AK5: variants seen among roughly 807,000 people sequenced by gnomAD.
The protein encoded by AK5 is adenylate kinase 5, also known as adenylate kinase isoenzyme 5.
Under a neutral mutation model 69.5 loss-of-function variants are expected in AK5, and 27 were observed. The observed-to-expected ratio is 0.39, with a 90% CI of 0.29 to 0.54. The LOEUF (loss-of-function observed/expected upper bound fraction) is 0.54, where lower values mean the gene tolerates loss of function less well. AK5 is among the 20% of genes least tolerant of loss of function. AK5 has a pLI of 0.71. For synonymous variants in AK5, 260 were observed against 244.4 expected (o/e 1.06, Z -0.60); for missense variants, 531 against 700.4 (o/e 0.76, Z 2.73).
At position 77,284,192 on chromosome 1, in the gene AK5, A is replaced by G. The variant is rs377278633; in HGVS notation, c.60+1819A>G. On this transcript the variant is annotated intron_variant, in intron 1 of 13. Transcript: ENST00000354567. The stretch of plus-strand genomic sequence containing the variant: ...TGGAAGTAGACTGCTGGTGACCTCA[A>G]AGGCTACATCCTTCAGTAAGACGAA... Among the ~76,000 whole-genome samples, 12 of 152,350 alleles carry G rather than the reference A, an allele frequency of 7.9e-5. No individual in the cohort carries two copies. In the South Asian group the frequency reaches 1.2e-3, roughly 16 times the overall value.
chr1:77,532,137 G>A (rs978900729), intron 12 of AK5: 24 of 155,610 alleles, frequency 1.5e-4, no homozygotes, highest in South Asian at 4.1e-4. Flanking sequence ...TAAGGAAGCC[G>A]GCTCCGGCCT....
At chr1:77,363,417 C>T (rs1215284477) in intron 6 of AK5, among the ~76,000 whole-genome samples, 1 of 152,190 alleles carries the variant, frequency 6.6e-6, no homozygotes, top group Non-Finnish European at 1.5e-5. Context: ...TGCTTTTGAC[C>T]TTGCCCTCTT....
chr1:77,494,992 C>A (rs1293073945), intron 10 of AK5, among the ~76,000 whole-genome samples: 1 of 151,988 alleles, frequency 6.6e-6, no homozygotes, highest in Non-Finnish European at 1.5e-5. Flanking sequence ...CCATGTTAGC[C>A]AGGATGGTCT....
chr1:77,511,440 T>A (rs1367823499), intron 10 of AK5, among the ~76,000 whole-genome samples: 1 of 152,184 alleles, frequency 6.6e-6, no homozygotes, highest in Non-Finnish European at 1.5e-5. Context: ...GATAGAAACA[T>A]CAATGTTTTG....
rs200727498 is a variant in AK5 at position 77,558,683 on chromosome 1, ATGTT to A, written c.*18_*21del. The A allele has an allele frequency of 0.017, 25,730 of 1,525,922 alleles. 673 individuals carry two copies. Among genetic ancestry groups the A allele is most frequent in the South Asian group, 0.1 (8,872 of 87,264 alleles). 94.5% of individuals were successfully genotyped at this position (1,525,922 alleles called of 1,614,324 possible). ...CTCTATTTTCTGAAGGCAAAAATGC[ATGTT>A]TGTTAGAATGGAAACAGAAAAACAT... On this transcript the variant is annotated 3_prime_UTR_variant, in exon 14 of 14. Transcript: ENST00000354567.
Position 77,286,954 on chromosome 1 carries a change from G to A in AK5, c.74G>A (p.Gly25Glu). The change falls in exon 2 of 14, where the codon GGA becomes GAA. Residue 25 changes from glycine (G) to glutamate (E), a missense_variant. Gly to Glu is a moderately conservative substitution (Grantham distance 98, BLOSUM62 -2). Transcript: ENST00000354567. ...IPQLFESLLN[G>E]LMCSKPEDPV... Reference sequence around the variant, plus strand: ...GTTATATTTCAGAGCCTTTTGAATGGACTGATGTGTTCTAAGCCCGAAGAT... The same window carrying A: ...GTTATATTTCAGAGCCTTTTGAATGAACTGATGTGTTCTAAGCCCGAAGAT... 6.6e-7 allele frequency: 1 copy of A among 1,518,304 alleles called. No homozygotes were observed. Among genetic ancestry groups the A allele is most frequent in the Non-Finnish European group, 8.8e-7 (1 of 1,130,322 alleles). 94.1% of individuals were successfully genotyped at this position (1,518,304 alleles called of 1,614,324 possible).
intron 6 of AK5, among the ~76,000 whole-genome samples, chr1:77,391,550 T>G (rs921414873): frequency 5.1e-4 from 73 of 144,372 alleles, no homozygotes; most frequent in Non-Finnish European, 1.0e-3. Context: ...GTTGTTGCAG[T>G]ATCTATCCAT....
intron 7 of AK5, 101 bp downstream of exon 7, chr1:77,411,172 T>C: frequency 2.1e-6 from 2 of 933,086 alleles, no homozygotes; most frequent in Non-Finnish European, 3.2e-6. Context: ...GCTGCAAGTT[T>C]TGAAGGATGA....
At chr1:77,479,535 G>C (rs1655136522) in intron 8 of AK5, among the ~76,000 whole-genome samples, 1 of 152,118 alleles carries the variant, frequency 6.6e-6, no homozygotes, top group Admixed American at 6.5e-5. Context: ...TAGTGGGTTT[G>C]CTGCAGCTTC....
At chr1:77,475,514 T>C (rs1412736074) in intron 8 of AK5, among the ~76,000 whole-genome samples, 2 of 99,498 alleles carry the variant, frequency 2.0e-5, no homozygotes, top group African/African-American at 3.9e-5. Flanking sequence ...TATATATATA[T>C]GTATATATAT....
chr1:77,313,513 A>G (rs952601072), intron 5 of AK5, among the ~76,000 whole-genome samples: 3 of 152,114 alleles, frequency 2.0e-5, no homozygotes, highest in South Asian at 4.1e-4. Context: ...CTACATTCCT[A>G]CATGTGTGTA....
chr1:77,470,274 G>A (rs1343680613), intron 8 of AK5, among the ~76,000 whole-genome samples: 1 of 152,188 alleles, frequency 6.6e-6, no homozygotes, highest in African/African-American at 2.4e-5. Context: ...TGAAGCCAAG[G>A]CGGGAGGATC....
At chr1:77,365,021 C>A (rs1646926766) in intron 6 of AK5, among the ~76,000 whole-genome samples, 1 of 152,166 alleles carries the variant, frequency 6.6e-6, no homozygotes, top group African/African-American at 2.4e-5. Context: ...TTTGCACCTT[C>A]ACCAACATTT....
chr1:77,508,709 A>T (rs1657156732), intron 10 of AK5, among the ~76,000 whole-genome samples: 1 of 152,106 alleles, frequency 6.6e-6, no homozygotes, highest in Admixed American at 6.6e-5. Context: ...TCTACTAAAA[A>T]TACGAAAAAC....
In AK5 at chr1:77,321,117, T is replaced by G. The variant is rs144274210; in HGVS notation, c.700-19260T>G. ...AACACTGTATCAAACAACTGAATAATGCACAGTGATTTTGAGTGTGTATGG... is the reference window on the plus strand; with the variant it reads ...AACACTGTATCAAACAACTGAATAAGGCACAGTGATTTTGAGTGTGTATGG... On this transcript the variant is annotated intron_variant, in intron 5 of 13. Transcript: ENST00000354567. 3.3e-4 allele frequency among the ~76,000 whole-genome samples: 50 copies of G among 152,220 alleles called. No homozygotes were observed. In the East Asian group the frequency reaches 9.1e-3, roughly 28 times the overall value.
chr1:77,337,512 A>T (rs1208385990), intron 5 of AK5, among the ~76,000 whole-genome samples: 1 of 152,170 alleles, frequency 6.6e-6, no homozygotes, highest in Non-Finnish European at 1.5e-5. Context: ...ATTTATTTAA[A>T]GTAAATTTTA....
At chr1:77,358,018 T>TGTGTGTGTGTGTGAGAGAGAGA (rs762714026) in intron 6 of AK5, among the ~76,000 whole-genome samples, 13 of 128,268 alleles carry the variant, frequency 1.0e-4, no homozygotes, top group South Asian at 5.7e-4. Context: ...TGTGTGTGTG[T>TGTGTGTGTGTGTGAGAGAGAGA]GAGAGAGAGA....
intron 6 of AK5, among the ~76,000 whole-genome samples, chr1:77,352,086 T>C (rs967530230): frequency 2.6e-5 from 4 of 152,022 alleles, no homozygotes; most frequent in South Asian, 2.1e-4. Flanking sequence ...CCTGCCACCA[T>C]GCCCGGCTAA....
chr1:77,367,599 A>ATATATATTTT (rs756398279), intron 6 of AK5, among the ~76,000 whole-genome samples: 1 of 63,138 alleles, frequency 1.6e-5, no homozygotes, highest in Non-Finnish European at 2.7e-5. Flanking sequence ...TTATATATGT[A>ATATATATTTT]ATATATATGT....
Sources: gnomAD v4.1 joint callset for allele counts (sites outside exome capture counted in the v4.1 genomes callset) on GRCh38, gnomAD v4.1.1 for gene constraint, MANE v1.5 for transcripts, NCBI Gene and HGNC (gene_info 2026-07-23, HGNC 2026-07-21) for gene names.